PLCE1: variants seen among roughly 807,000 people sequenced by gnomAD.
The protein encoded by PLCE1 is 1-phosphatidylinositol 4,5-bisphosphate phosphodiesterase epsilon-1.
A neutral mutation model predicts 242.8 loss-of-function variants in PLCE1; 119 were observed. The ratio of observed to expected loss-of-function variants is 0.49; its 90% CI spans 0.42 to 0.57. The LOEUF is 0.57. PLCE1 is among the 20% of genes least tolerant of loss of function. The pLI is 0.00. For missense variants in PLCE1, 2,441 were observed against 2,788.8 expected, an observed-to-expected ratio of 0.88 and a Z score of 2.81; for synonymous variants, 945 against 1,017.4, an observed-to-expected ratio of 0.93 and a Z score of 1.35.
intron 7 of PLCE1, among the ~76,000 whole-genome samples, chr10:94,242,889 C>T (rs976480076): frequency 6.6e-6 from 1 of 152,118 alleles, no homozygotes; most frequent in African/African-American, 2.4e-5. Flanking sequence ...CATACTGATA[C>T]AAGTAAATGA....
chr10:94,210,200 T>C (rs1433393479), intron 4 of PLCE1, among the ~76,000 whole-genome samples: 4 of 152,044 alleles, frequency 2.6e-5, no homozygotes, highest in Non-Finnish European at 5.9e-5. Context: ...TTTTTTACTT[T>C]TCAGTTTCTA....
Position 94,031,738 on chromosome 10 carries a change from T to C in PLCE1, c.692T>C (p.Val231Ala). The C allele has an allele frequency of 6.2e-7, 1 of 1,613,722 alleles. No individual in the cohort carries two copies. Among genetic ancestry groups the C allele is most frequent in the Non-Finnish European group, 8.5e-7 (1 of 1,179,836 alleles). ...GAGGAGAAGCAAAAGAAAAACTATG[T>C]GGCATATACCTGTAAACTGATGGAA... ...GGEEKQKKNY[V>A]AYTCKLMELA... Residue 231 changes from valine to alanine, a missense_variant, in exon 2 of 33, where the codon GTG (valine) becomes GCG (alanine). By Grantham distance (64) the Val-to-Ala change is moderately conservative (BLOSUM62 0). Transcript: ENST00000371380.
intron 2 of PLCE1, among the ~76,000 whole-genome samples, chr10:94,092,867 C>G (rs2045133514): frequency 6.6e-6 from 1 of 152,144 alleles, no homozygotes; most frequent in African/African-American, 2.4e-5. Flanking sequence ...CCAGCAGAAC[C>G]TTTGCAGATG....
chr10:94,034,713 C>T (rs1371051468), intron 2 of PLCE1, among the ~76,000 whole-genome samples: 1 of 152,168 alleles, frequency 6.6e-6, no homozygotes, highest in Non-Finnish European at 1.5e-5. Context: ...CCAGACCCCT[C>T]CTCAGGCCCT....
chr10:94,121,993 A>G (rs1159147080), intron 2 of PLCE1, among the ~76,000 whole-genome samples: 1 of 152,166 alleles, frequency 6.6e-6, no homozygotes, highest in East Asian at 1.9e-4. Context: ...AGTTCAGCCA[A>G]TGAAGGTTTG....
chr10:94,170,338 G>A (rs1252379639), intron 3 of PLCE1, among the ~76,000 whole-genome samples: 2 of 152,188 alleles, frequency 1.3e-5, no homozygotes, highest in African/African-American at 4.8e-5. Context: ...TTTGTTGAAT[G>A]AATGAATTAC....
chr10:94,102,127 C>A (rs1196996112), intron 2 of PLCE1, among the ~76,000 whole-genome samples: 1 of 152,202 alleles, frequency 6.6e-6, no homozygotes, highest in Non-Finnish European at 1.5e-5. Flanking sequence ...TCAGTAGCAA[C>A]AATAAGCATC....
At chr10:94,089,348 G>A in intron 2 of PLCE1, 1 of 1,611,224 alleles carries the variant, frequency 6.2e-7, no homozygotes, top group Non-Finnish European at 8.5e-7. Context: ...AAGGATGGAT[G>A]TGGATGCTGG....
At chr10:94,186,211 T>C (rs915520579) in intron 4 of PLCE1, among the ~76,000 whole-genome samples, 1 of 152,192 alleles carries the variant, frequency 6.6e-6, no homozygotes, top group Non-Finnish European at 1.5e-5. Context: ...TTCTGAACAG[T>C]GAGTCTCTTC....
At chr10:94,209,597 C>T (rs1368354372) in intron 4 of PLCE1, among the ~76,000 whole-genome samples, 3 of 152,080 alleles carry the variant, frequency 2.0e-5, no homozygotes, top group African/African-American at 7.2e-5. Flanking sequence ...AAGCATGAGG[C>T]TGGTTATAAT....
chr10:94,119,974 G>T (rs77343188), intron 2 of PLCE1, among the ~76,000 whole-genome samples: 1 of 152,184 alleles, frequency 6.6e-6, no homozygotes, highest in African/African-American at 2.4e-5. Context: ...TTGAATGTCA[G>T]TCCAAGCTTC....
At chr10:94,149,960 A>C (rs2047223606) in intron 3 of PLCE1, among the ~76,000 whole-genome samples, 1 of 152,182 alleles carries the variant, frequency 6.6e-6, no homozygotes, top group Non-Finnish European at 1.5e-5. Flanking sequence ...GTAACTGTAG[A>C]CAGAAAGGAA....
intron 2 of PLCE1, among the ~76,000 whole-genome samples, chr10:94,038,268 C>A (rs1262678848): frequency 1.3e-5 from 2 of 152,062 alleles, no homozygotes; most frequent in Non-Finnish European, 2.9e-5. Flanking sequence ...GAGGTGCACC[C>A]ACTGACCCCC....
Position 94,254,883 on chromosome 10 carries a change from A to G in PLCE1, c.3398-10A>G. 1 of 1,613,824 alleles carries G rather than the reference A, an allele frequency of 6.2e-7. No individual in the cohort carries two copies. The highest frequency in any genetic ancestry group is 8.5e-7 in the Non-Finnish European group (1 of 1,179,750). On this transcript the variant is annotated splice_polypyrimidine_tract_variant and intron_variant, in intron 10 of 32. Transcript: ENST00000371380. ...AGTCATTCTCTCTTTTCTGTCTTTC[A>G]TCCTCACAGAGGTGAATGCCATCGC... is the stretch of plus-strand genomic sequence containing the variant.
chr10:94,051,538 G>A (rs1453678464), intron 2 of PLCE1, among the ~76,000 whole-genome samples: 1 of 152,124 alleles, frequency 6.6e-6, no homozygotes, highest in African/African-American at 2.4e-5. Context: ...ATAAGTATAT[G>A]CATCCCAAAA....
chr10:94,329,733 GCACCACCACGCTCCAGCCTGGTGA>G lies in PLCE1; in HGVS notation c.*1793_*1816del, dbSNP rs2054133476. ...GTGGAGGCTGCAGTGAGCCAAGATC[GCACCACCACGCTCCAGCCTGGTGA>G]CAGAGCGAGACTCCGTCTCAAAAAA... On this transcript the variant is annotated 3_prime_UTR_variant, in exon 33 of 33. Transcript: ENST00000371380. 8.4e-6 allele frequency: 1 copy of G among 119,074 alleles called. No homozygotes were observed. Among genetic ancestry groups the G allele is most frequent in the Non-Finnish European group, 1.6e-5 (1 of 62,464 alleles). 7.4% of individuals were successfully genotyped at this position (119,074 alleles called of 1,614,324 possible).
chr10:94,261,232 A>G (rs962336348), intron 13 of PLCE1, among the ~76,000 whole-genome samples: 5 of 152,170 alleles, frequency 3.3e-5, no homozygotes, highest in African/African-American at 7.2e-5. Flanking sequence ...AATGTCATAT[A>G]GTTGGAATCA....
chr10:94,117,175 G>A (rs965588102), intron 2 of PLCE1, among the ~76,000 whole-genome samples: 1 of 152,160 alleles, frequency 6.6e-6, no homozygotes, highest in Non-Finnish European at 1.5e-5. Flanking sequence ...GACTCTTGTG[G>A]TGAGACCAGA....
intron 3 of PLCE1, among the ~76,000 whole-genome samples, chr10:94,135,028 C>T (rs1218455484): frequency 6.6e-6 from 1 of 152,104 alleles, no homozygotes; most frequent in African/African-American, 2.4e-5. Flanking sequence ...TCAATTTCAG[C>T]ATCCTCTCCC....
Sources: gnomAD v4.1 joint callset for allele counts (sites outside exome capture counted in the v4.1 genomes callset) on GRCh38, gnomAD v4.1.1 for gene constraint, MANE v1.5 for transcripts, NCBI Gene and HGNC (gene_info 2026-07-23, HGNC 2026-07-21) for gene names.